The following CHMP3 variants were observed in gnomAD, a reference collection of about 807,000 sequenced individuals.
CHMP3 encodes the protein charged multivesicular body protein 3, also known as 25.1 protein.
In CHMP3, 8 loss-of-function variants were observed where a neutral mutation model predicts 27.4. That is an observed-to-expected ratio of 0.29 (90% CI 0.17 to 0.53). CHMP3 has a LOEUF of 0.53. Ranked by LOEUF, CHMP3 falls within the 20% of genes least tolerant of loss-of-function variation. CHMP3 has a pLI of 0.96. For missense variants in CHMP3, 208 were observed against 271.5 expected (o/e 0.77, Z 1.64); for synonymous variants, 86 against 85.5 (o/e 1.01, Z -0.03).
At chr2:86,549,111 ACGGGGCGGCCGGGAAGAGGCGCCCC>A (rs1676748376) in intron 1 of CHMP3, among the ~76,000 whole-genome samples, 5 of 137,814 alleles carry the variant, frequency 3.6e-5, no homozygotes, top group African/African-American at 8.4e-5. Flanking sequence ...CACCTCCCAG[ACGGGGCGGCCGGGAAGAGGCGCCCC>A]TCACGTCCCA....
rs373994248 is a variant in CHMP3 at position 86,538,095 on chromosome 2, G to A, written c.106+4157C>T. On this transcript the variant is annotated intron_variant, in intron 2 of 5. Transcript: ENST00000263856. ...CGGAATATTACTCAGCCTTAAAAAG[G>A]AATGAAATTCTGATACCTGCTACAA... 2.6e-5 allele frequency among the ~76,000 whole-genome samples: 4 copies of A among 152,130 alleles called. No homozygotes were observed. In the East Asian group the frequency reaches 5.8e-4, roughly 22 times the overall value.
Position 86,505,443 on chromosome 2 carries a change from G to A in CHMP3, c.*361C>T. The stretch of plus-strand genomic sequence containing the variant: ...ACTGCACAGGGCAATCTACAATGGG[G>A]CCAAGTGCTAAAGCAAAAATTTATT... On this transcript the variant is annotated 3_prime_UTR_variant, in exon 6 of 6. Transcript: ENST00000263856. 6.2e-6 allele frequency: 1 copy of A among 162,298 alleles called. No individual in the cohort carries two copies. Among genetic ancestry groups the A allele is most frequent in the East Asian group, 1.8e-4 (1 of 5,712 alleles). 10.1% of individuals were successfully genotyped at this position (162,298 alleles called of 1,614,324 possible). A position where few individuals can be genotyped will look rare whatever the true frequency, so the allele number is the denominator to read the frequency against.
chr2:86,529,636 T>C (rs1475091742), intron 2 of CHMP3, among the ~76,000 whole-genome samples: 1 of 152,234 alleles, frequency 6.6e-6, no homozygotes, highest in Admixed American at 6.5e-5. Flanking sequence ...TTGTTGGTAC[T>C]GGCCCTAAGA....
rs745732049 is a variant in CHMP3, at chr2:86,529,304, A to G, written c.200T>C (p.Met67Thr). The G allele has an allele frequency of 1.2e-6, 2 of 1,613,576 alleles. No individual in the cohort carries two copies. The highest frequency in any genetic ancestry group is 4.5e-5 in the East Asian group (2 of 44,840). The change falls in exon 3 of 6, where the codon ATG (methionine) becomes ACG (threonine). Residue 67 changes from methionine (M) to threonine (T), a missense_variant. Around this residue, in one of 3 missense-constraint regions of CHMP3, gnomAD observed 94 missense variants for 159.6 expected, o/e 0.59. Transcript: ENST00000263856. ...GCTCACAGCCTTCCTTGACCTGATC[A>G]TCTCCTTGGCCAGAACTATGCAGAC... ...KDVCIVLAKE[M>T]IRSRKAVSKL... is the part of the protein sequence containing the mutation.
chr2:86,537,887 T>G (rs1369671289), intron 2 of CHMP3, among the ~76,000 whole-genome samples: 1 of 152,184 alleles, frequency 6.6e-6, no homozygotes, highest in Non-Finnish European at 1.5e-5. Flanking sequence ...AAGATACAAT[T>G]ATTTGATCCA....
intron 1 of CHMP3, among the ~76,000 whole-genome samples, chr2:86,551,257 G>A (rs1254697900): frequency 6.6e-6 from 1 of 150,500 alleles, no homozygotes; most frequent in Admixed American, 6.7e-5. Context: ...CACAAGCCCT[G>A]AATATCTGCT....
intron 3 of CHMP3, among the ~76,000 whole-genome samples, chr2:86,517,161 C>T (rs1477083760): frequency 1.3e-5 from 2 of 152,136 alleles, no homozygotes; most frequent in African/African-American, 4.8e-5. Context: ...ACATTACATT[C>T]CCACACCTGA....
chr2:86,531,194 A>G (rs897359529), intron 2 of CHMP3, among the ~76,000 whole-genome samples: 1 of 151,820 alleles, frequency 6.6e-6, no homozygotes, highest in African/African-American at 2.4e-5. Flanking sequence ...TTTTTTGTAG[A>G]GATGGGGTTT....
At chr2:86,528,151 T>C in intron 3 of CHMP3, among the ~76,000 whole-genome samples, 1 of 152,116 alleles carries the variant, frequency 6.6e-6, no homozygotes, top group East Asian at 1.9e-4. Flanking sequence ...ATGTTAAAAT[T>C]GAATGTGAAG....
intron 3 of CHMP3, among the ~76,000 whole-genome samples, chr2:86,526,500 T>A (rs1328745951): frequency 1.3e-5 from 2 of 152,200 alleles, no homozygotes; most frequent in Non-Finnish European, 2.9e-5. Context: ...ACCCAGCTAC[T>A]TACTTAGCAA....
Position 86,516,970 on chromosome 2 carries a change from T to G in CHMP3, c.287-6491A>C, listed in dbSNP as rs1675331927. On this transcript the variant is annotated intron_variant, in intron 3 of 5. Transcript: ENST00000263856. ...GATTGCATCGATGGCAATATCCTGA[T>G]TGTGAGATTGTACTCTGGTTTTGCA... 2.0e-5 allele frequency among the ~76,000 whole-genome samples: 3 copies of G among 152,302 alleles called. No individual in the cohort carries two copies. The South Asian group carries it at 6.2e-4, about 32-fold the overall frequency.
chr2:86,513,584 C>CTA (rs1400328766), intron 3 of CHMP3, among the ~76,000 whole-genome samples: 1 of 152,142 alleles, frequency 6.6e-6, no homozygotes, highest in Non-Finnish European at 1.5e-5. Flanking sequence ...GTGAATGAGG[C>CTA]TATGCAAGTG....
At chr2:86,510,272 C>A in intron 4 of CHMP3, 86 bp downstream of exon 4, 1 of 1,298,886 alleles carries the variant, frequency 7.7e-7, no homozygotes, top group East Asian at 2.9e-5. Flanking sequence ...CTGTTCATCC[C>A]CACCCACCCT....
chr2:86,514,400 A>G (rs1282602557), intron 3 of CHMP3, among the ~76,000 whole-genome samples: 6 of 152,214 alleles, frequency 3.9e-5, no homozygotes, highest in African/African-American at 1.2e-4. Flanking sequence ...CAAAACTCTA[A>G]TCATAGTTTT....
At chr2:86,545,558 GGCGCTCCTC>G (rs1676550352) in intron 1 of CHMP3, among the ~76,000 whole-genome samples, 1 of 120,502 alleles carries the variant, frequency 8.3e-6, no homozygotes, top group Non-Finnish European at 1.8e-5. Flanking sequence ...GCCGGGCAGA[GGCGCTCCTC>G]ACTTCCCAGA....
At chr2:86,558,715 G>C (rs547347528) in intron 1 of CHMP3, among the ~76,000 whole-genome samples, 2 of 152,234 alleles carry the variant, frequency 1.3e-5, no homozygotes, top group South Asian at 2.1e-4. Flanking sequence ...GAGCTGTCTT[G>C]TAAGTTTATC....
At chr2:86,521,549 T>C (rs1375775490) in intron 3 of CHMP3, among the ~76,000 whole-genome samples, 1 of 152,160 alleles carries the variant, frequency 6.6e-6, no homozygotes, top group African/African-American at 2.4e-5. Flanking sequence ...ACTTTTCTCA[T>C]CTTCCCAAAC....
chr2:86,543,360 A>G (rs769079756), intron 1 of CHMP3, among the ~76,000 whole-genome samples: 40 of 152,354 alleles, frequency 2.6e-4, no homozygotes, highest in Non-Finnish European at 3.7e-4. Flanking sequence ...TGAAGTCACT[A>G]GTGTATTAAA....
rs572258024 is a variant in CHMP3 at position 86,514,983 on chromosome 2, T to C, written c.287-4504A>G. 3.9e-5 allele frequency among the ~76,000 whole-genome samples: 6 copies of C among 152,172 alleles called. No homozygotes were observed. The East Asian group carries it at 7.7e-4, about 20-fold the overall frequency. ...TTGACCACATTTAAAACAACAAAGA[T>C]CAAAGTAACACAGAGAGGAATATGA... is the stretch of plus-strand genomic sequence containing the variant. On this transcript the variant is annotated intron_variant, in intron 3 of 5. Transcript: ENST00000263856.
Sources: allele counts gnomAD v4.1 joint callset (sites outside exome capture counted in the v4.1 genomes callset), GRCh38; gene constraint gnomAD v4.1.1; regional missense constraint gnomAD v4.1.1; transcripts MANE v1.5; gene names NCBI Gene and HGNC (gene_info 2026-07-23, HGNC 2026-07-21).